Variants in OLA1 observed in about 807,000 individuals in gnomAD.
OLA1 encodes Obg like ATPase 1.
OLA1 carries 14 observed loss-of-function variants against 48.4 expected under a neutral mutation model. The observed-to-expected ratio is 0.29, with a 90% confidence interval of 0.19 to 0.45. The LOEUF (loss-of-function observed/expected upper bound fraction) is 0.45. Among genes scored for constraint, OLA1 ranks in the 20% least tolerant of loss-of-function variants. The pLI, the probability that OLA1 is intolerant of heterozygous loss-of-function variation, is 1.00. For synonymous variants in OLA1, 127 were observed against 150.4 expected, an observed-to-expected ratio of 0.84 and a Z score of 1.14; for missense variants, 325 against 467.1, an observed-to-expected ratio of 0.70 and a Z score of 2.80.
At chr2:174,181,003 T>G (rs925765705) in intron 4 of OLA1, among the ~76,000 whole-genome samples, 3 of 152,182 alleles carry the variant, frequency 2.0e-5, no homozygotes, top group Non-Finnish European at 4.4e-5. Flanking sequence ...AAGAGGACAA[T>G]GGCACATACA....
intron 2 of OLA1, among the ~76,000 whole-genome samples, chr2:174,241,543 GAC>G (rs532815746): frequency 2.0e-4 from 31 of 152,330 alleles, no homozygotes; most frequent in Non-Finnish European, 3.5e-4. Context: ...AGCTAAACAA[GAC>G]AATTACTCTC....
chr2:174,115,451 G>A (rs974705590), intron 7 of OLA1, among the ~76,000 whole-genome samples: 7 of 152,150 alleles, frequency 4.6e-5, no homozygotes, highest in African/African-American at 1.2e-4. Flanking sequence ...AGAAATCAAC[G>A]AAAGCAAACT....
intron 4 of OLA1, among the ~76,000 whole-genome samples, chr2:174,221,274 C>CA (rs563152220): frequency 1.2e-3 from 182 of 150,244 alleles, no homozygotes; most frequent in African/African-American, 4.1e-3. Context: ...TTTCCCCCCC[C>CA]ACAAGGGTTA....
chr2:174,083,083 A>G (rs1223254348), intron 7 of OLA1, among the ~76,000 whole-genome samples: 2 of 152,144 alleles, frequency 1.3e-5, no homozygotes, highest in African/African-American at 4.8e-5. Context: ...CATAGCATAC[A>G]TTCCTATGAA....
intron 4 of OLA1, among the ~76,000 whole-genome samples, chr2:174,203,465 C>CT (rs71021678): frequency 0.13 from 17,687 of 140,502 alleles, 2,181 homozygotes; most frequent in East Asian, 0.67. Flanking sequence ...TAGCTAACAT[C>CT]TTTTTTTTTT....
At chr2:174,179,098 T>A (rs1419685866) in intron 4 of OLA1, among the ~76,000 whole-genome samples, 1 of 151,858 alleles carries the variant, frequency 6.6e-6, no homozygotes, top group Admixed American at 6.6e-5. Context: ...AATGCTTAAG[T>A]TAAAAGGATA....
intron 7 of OLA1, among the ~76,000 whole-genome samples, chr2:174,106,372 T>C (rs1174680931): frequency 6.6e-6 from 1 of 152,090 alleles, no homozygotes; most frequent in Non-Finnish European, 1.5e-5. Flanking sequence ...CCAACAATTA[T>C]AAAACTTAAG....
chr2:174,176,245 T>C (rs2105410074), intron 4 of OLA1, among the ~76,000 whole-genome samples: 1 of 152,232 alleles, frequency 6.6e-6, no homozygotes, highest in South Asian at 2.1e-4. Flanking sequence ...TACATTATCT[T>C]TGATAAGGTT....
chr2:174,115,086 T>C (rs889348037), intron 7 of OLA1, among the ~76,000 whole-genome samples: 9 of 151,566 alleles, frequency 5.9e-5, no homozygotes, highest in African/African-American at 2.2e-4. Flanking sequence ...ACCCTGTCTC[T>C]GAAAAAAAAA....
chr2:174,138,388 A>G (rs1346833663), intron 5 of OLA1, among the ~76,000 whole-genome samples: 1 of 152,192 alleles, frequency 6.6e-6, no homozygotes, highest in Non-Finnish European at 1.5e-5. Flanking sequence ...AGCACACCCA[A>G]CATTTATCGA....
chr2:174,199,354 A>T (rs1009117014), intron 4 of OLA1, among the ~76,000 whole-genome samples: 1 of 152,154 alleles, frequency 6.6e-6, no homozygotes, highest in Admixed American at 6.5e-5. Flanking sequence ...CCATGTTCCC[A>T]ATTCCCTGAA....
chr2:174,097,529 G>A lies in OLA1; in HGVS notation c.729-15465C>T, dbSNP rs113208573. ...GAAAGTGAGAAACTCCTGGCTGGGTGCAGTGGCTCATGCTTGTAATCCTAG... is the reference window on the plus strand; with the variant it reads ...GAAAGTGAGAAACTCCTGGCTGGGTACAGTGGCTCATGCTTGTAATCCTAG... On this transcript the variant is annotated intron_variant, in intron 7 of 10. Transcript: ENST00000284719. 4.2e-3 allele frequency among the ~76,000 whole-genome samples: 643 copies of A among 152,234 alleles called. 2 individuals are homozygous for A. The highest frequency in any genetic ancestry group is 0.015 in the African/African-American group (610 of 41,532).
At chr2:174,204,695 T>C (rs982650065) in intron 4 of OLA1, among the ~76,000 whole-genome samples, 2 of 151,736 alleles carry the variant, frequency 1.3e-5, no homozygotes, top group Non-Finnish European at 1.5e-5. Flanking sequence ...TTATTAATAA[T>C]AAAGCTATTC....
chr2:174,119,191 T>C (rs916258168), intron 7 of OLA1, among the ~76,000 whole-genome samples: 4 of 152,068 alleles, frequency 2.6e-5, no homozygotes, highest in African/African-American at 9.6e-5. Context: ...CATTTTTCTT[T>C]ATCATATTCT....
chr2:174,147,993 T>C (rs1686652407), intron 4 of OLA1, among the ~76,000 whole-genome samples: 1 of 152,186 alleles, frequency 6.6e-6, no homozygotes, highest in African/African-American at 2.4e-5. Context: ...GTGGCTTTTC[T>C]GTACTTTCAG....
intron 7 of OLA1, among the ~76,000 whole-genome samples, chr2:174,107,518 A>G (rs1685543819): frequency 6.6e-6 from 1 of 152,130 alleles, no homozygotes; most frequent in Non-Finnish European, 1.5e-5. Context: ...AAGTTTCTTC[A>G]ATCTAAATGA....
chr2:174,078,623 A>T (rs1347213914), intron 10 of OLA1, among the ~76,000 whole-genome samples: 4 of 151,990 alleles, frequency 2.6e-5, no homozygotes, highest in African/African-American at 9.7e-5. Context: ...CATATATATT[A>T]TACTTCAGCT....
intron 4 of OLA1, among the ~76,000 whole-genome samples, chr2:174,162,329 A>C (rs1279434082): frequency 6.6e-6 from 1 of 152,096 alleles, no homozygotes; most frequent in Non-Finnish European, 1.5e-5. Context: ...AAATGCAATG[A>C]CCCTCAAGCA....
intron 4 of OLA1, among the ~76,000 whole-genome samples, chr2:174,158,745 C>A (rs1458993762): frequency 6.6e-6 from 1 of 151,836 alleles, no homozygotes; most frequent in African/African-American, 2.4e-5. Context: ...GTCTTTAGAG[C>A]AAAAAACAGG....
Sources: allele counts gnomAD v4.1 joint callset (sites outside exome capture counted in the v4.1 genomes callset), GRCh38; gene constraint gnomAD v4.1.1; transcripts MANE v1.5; gene names NCBI Gene and HGNC (gene_info 2026-07-23, HGNC 2026-07-21).